The following HMCN2 variants were observed in gnomAD, a reference collection of about 807,000 sequenced individuals.
HMCN2 encodes hemicentin 2, also known as hemicentin-2.
Under a neutral mutation model 377.5 loss-of-function variants are expected in HMCN2, and 325 were observed. The observed-to-expected ratio is 0.86, with a 90% CI of 0.79 to 0.94. The LOEUF is 0.94. HMCN2 is among the 40% of genes least tolerant of loss of function. The pLI is 0.00. For missense variants in HMCN2, 4,543 were observed against 4,725.3 expected, an observed-to-expected ratio of 0.96 and a Z score of 1.13; for synonymous variants, 2,007 against 2,046.8, an observed-to-expected ratio of 0.98 and a Z score of 0.53.
chr9:130,318,918 G>A (rs964868100), intron 15 of HMCN2, among the ~76,000 whole-genome samples: 25 of 152,318 alleles, frequency 1.6e-4, no homozygotes, highest in African/African-American at 2.4e-4. Context: ...GGCTGTTTGC[G>A]GGGGCGGCAA....
chr9:130,418,787 A>C lies in HMCN2; in HGVS notation c.12977A>C (p.Gln4326Pro). 1 of 1,449,570 alleles carries C rather than the reference A, an allele frequency of 6.9e-7. No individual in the cohort carries two copies. Among genetic ancestry groups the C allele is most frequent in the South Asian group, 1.5e-5 (1 of 68,004 alleles). The allele number at this position is 1,449,570 out of a possible 1,614,324, so 89.8% of individuals were successfully genotyped here. The stretch of plus-strand genomic sequence containing the variant: ...CCTCCCACAGGTGCTCCGGTGTTCC[A>C]GGTGGAGCCCCAGGACATGACAGTG... ...ILVLQSAPVF[Q>P]VEPQDMTVRS... The change falls in exon 86 of 98, where the codon CAG (glutamine) becomes CCG (proline). Residue 4326 changes from glutamine (Q) to proline (P), a missense_variant. Physicochemically the swap from Gln to Pro is moderately conservative, Grantham distance 76. This residue lies in a region of HMCN2 where 1,155 missense variants were observed against 1,157.7 expected (regional missense o/e 1.00). Transcript: ENST00000683500.
rs1440105455 is a variant in HMCN2 at position 130,425,713 on chromosome 9, A to G, written c.13668A>G (p.Thr4556=). Residue 4556 remains threonine (T), a synonymous_variant, in exon 90 of 98, where the codon ACA becomes ACG. Transcript: ENST00000683500. ...ACTTTGAGGAGCACTACGTGCAAACAGGGCCTGGCCAGCTGTTCGTGGGCT... is the reference window on the plus strand; with the variant it reads ...ACTTTGAGGAGCACTACGTGCAAACGGGGCCTGGCCAGCTGTTCGTGGGCT... ...VQDFEEHYVQ[T]GPGQLFVGST... is the part of the protein sequence containing the mutation. 3 of 1,546,076 alleles carry G rather than the reference A, an allele frequency of 1.9e-6. No individual in the cohort carries two copies. The highest frequency in any genetic ancestry group is 1.4e-5 in the African/African-American group (1 of 71,240).
At chr9:130,424,634 C>A in intron 87 of HMCN2, 142 bp from the exon 88 acceptor site, 4 of 743,412 alleles carry the variant, frequency 5.4e-6, no homozygotes, top group Non-Finnish European at 3.8e-6. Flanking sequence ...ATTGGCATGG[C>A]AGTCACAAGG....
chr9:130,311,381 C>G (rs1483785900), intron 15 of HMCN2, among the ~76,000 whole-genome samples: 1 of 152,182 alleles, frequency 6.6e-6, no homozygotes, highest in Non-Finnish European at 1.5e-5. Context: ...GCTTGGGGTG[C>G]TCTTAGCCTT....
intron 43 of HMCN2, among the ~76,000 whole-genome samples, chr9:130,366,856 A>G (rs555625592): frequency 5.3e-4 from 80 of 152,344 alleles, no homozygotes; most frequent in African/African-American, 1.9e-3. Flanking sequence ...GGGGGCAGTC[A>G]GATAATAAAC....
intron 1 of HMCN2, among the ~76,000 whole-genome samples, chr9:130,278,380 T>A (rs555518131): frequency 8.3e-4 from 126 of 152,186 alleles, no homozygotes; most frequent in African/African-American, 2.8e-3. Context: ...CGTCTCGGCC[T>A]CCCAAAGTGC....
intron 86 of HMCN2, among the ~76,000 whole-genome samples, chr9:130,419,807 C>T (rs1394029278): frequency 6.6e-6 from 1 of 152,200 alleles, no homozygotes; most frequent in Non-Finnish European, 1.5e-5. Flanking sequence ...ATGAGCCCTC[C>T]CAGGCAGCGC....
intron 85 of HMCN2, among the ~76,000 whole-genome samples, chr9:130,413,189 T>C (rs142601248): frequency 8.9e-4 from 135 of 152,358 alleles, no homozygotes; most frequent in African/African-American, 3.0e-3. Flanking sequence ...TGATATCATA[T>C]CATCTATGAA....
chr9:130,384,789 A>G lies in HMCN2; in HGVS notation c.9097A>G (p.Ser3033Gly). 1.5e-6 allele frequency: 2 copies of G among 1,303,150 alleles called. No homozygotes were observed. The highest frequency in any genetic ancestry group is 2.0e-6 in the Non-Finnish European group (2 of 988,644). 80.7% of individuals were successfully genotyped at this position (1,303,150 alleles called of 1,614,324 possible). A position where few individuals can be genotyped will look rare whatever the true frequency, so the allele number is the denominator to read the frequency against. Residue 3033 changes from serine to glycine, a missense_variant, in exon 59 of 98, where the codon AGT becomes GGT. This residue lies in a region of HMCN2 where 736 missense variants were observed against 773.2 expected (regional missense o/e 0.95). Coordinates refer to ENST00000683500, the MANE Select transcript of HMCN2 (RefSeq NM_001291815.2). ...AGRDQKLVQL[S>G]VLVPPAFRQA... ...CCGAGACCAGAAGCTGGTGCAGCTC[A>G]GTGTTCTGGGTATGTCCATGTCTGT...
At position 130,408,219 on chromosome 9, in the gene HMCN2, G is replaced by T. The variant is rs149182160; in HGVS notation, c.12688+514G>T. On this transcript the variant is annotated intron_variant, in intron 83 of 97. Transcript: ENST00000683500. ...CAGCCCCAGGCACCAAAAGAGAACT[G>T]CAGCTTTTGGTAGATCCAACCTCAG... 9.8e-3 allele frequency among the ~76,000 whole-genome samples: 1,496 copies of T among 152,318 alleles called. 9 individuals are homozygous for T. The highest frequency in any genetic ancestry group is 0.016 in the Non-Finnish European group (1,088 of 68,034).
Position 130,369,478 on chromosome 9 carries a change from A to G in HMCN2, c.6788-92A>G, listed in dbSNP as rs569934111. ...TCACACAGCCAGCGATGGCAAGGGG[A>G]GAGGGTGTGTCCCTATTGGGCCCGG... On this transcript the variant is annotated intron_variant, in intron 44 of 97. Coordinates refer to ENST00000683500, the MANE Select transcript of HMCN2 (RefSeq NM_001291815.2). This position sits in a 1 kb window ranked among gnomAD's most constrained non-coding sequence, Gnocchi z 4.5. The G allele has an allele frequency of 3.7e-5, 26 of 704,698 alleles. No homozygotes were observed. The East Asian group carries it at 3.2e-3, about 86-fold the overall frequency. 43.7% of individuals were successfully genotyped at this position (704,698 alleles called of 1,614,324 possible).
chr9:130,280,798 T>C (rs1554925406), intron 1 of HMCN2, among the ~76,000 whole-genome samples: 1 of 152,130 alleles, frequency 6.6e-6, no homozygotes, highest in African/African-American at 2.4e-5. Context: ...AATTATTATC[T>C]CTGGTTGGTA....
At chr9:130,339,037 A>G (rs1484532340) in intron 23 of HMCN2, among the ~76,000 whole-genome samples, 1 of 76,552 alleles carries the variant, frequency 1.3e-5, no homozygotes, top group Non-Finnish European at 2.6e-5. Context: ...AAAAATAAAA[A>G]ATTAACCACT....
At chr9:130,273,787 C>T (rs951900717) in intron 1 of HMCN2, among the ~76,000 whole-genome samples, 6 of 152,194 alleles carry the variant, frequency 3.9e-5, no homozygotes, top group South Asian at 4.1e-4. Flanking sequence ...CGTGCGCCTC[C>T]GCGCCCGGCC....
intron 45 of HMCN2, among the ~76,000 whole-genome samples, chr9:130,370,082 C>G (rs1840933099): frequency 6.6e-6 from 1 of 152,154 alleles, no homozygotes; most frequent in African/African-American, 2.4e-5. Context: ...TCCTCCCTCC[C>G]TCTCTCCCTC....
At chr9:130,317,467 A>ATC (rs1177875902) in intron 15 of HMCN2, among the ~76,000 whole-genome samples, 6,458 of 123,290 alleles carry the variant, frequency 0.052, 222 homozygotes, top group East Asian at 0.094. Context: ...AGACCCCACC[A>ATC]TCTCTCTCTC....
At chr9:130,392,831 C>G (rs1842398435) in intron 66 of HMCN2, among the ~76,000 whole-genome samples, 1 of 151,992 alleles carries the variant, frequency 6.6e-6, no homozygotes, top group Non-Finnish European at 1.5e-5. Context: ...CCCGTCTCTA[C>G]TAAAAATACA....
chr9:130,432,332 C>A (rs1844806371), intron 96 of HMCN2, 97 bp from the exon 97 acceptor site: 4 of 1,138,622 alleles, frequency 3.5e-6, no homozygotes, highest in Non-Finnish European at 5.1e-6. Context: ...GCCCACCTCA[C>A]TGGTCCCCCA....
chr9:130,355,512 A>C (rs1839978214), intron 32 of HMCN2, among the ~76,000 whole-genome samples: 1 of 152,212 alleles, frequency 6.6e-6, no homozygotes, highest in African/African-American at 2.4e-5. Flanking sequence ...CTGAGCCCTC[A>C]GTCTGCCAGG....
Sources: gnomAD v4.1 joint callset for allele counts (sites outside exome capture counted in the v4.1 genomes callset) on GRCh38, gnomAD v4.1.1 for gene constraint, gnomAD v4.1.1 regional missense constraint, Gnocchi (gnomAD v3.1) non-coding constraint, MANE v1.5 for transcripts, NCBI Gene and HGNC (gene_info 2026-07-23, HGNC 2026-07-21) for gene names.